Variants in MTHFD2L observed in about 807,000 individuals in gnomAD.
MTHFD2L encodes the protein bifunctional methylenetetrahydrofolate dehydrogenase/cyclohydrolase 2, mitochondrial.
MTHFD2L carries 29 observed loss-of-function variants against 34.9 expected under a neutral mutation model. The ratio of observed to expected loss-of-function variants is 0.83; its 90% confidence interval spans 0.62 to 1.13. The LOEUF (loss-of-function observed/expected upper bound fraction) is 1.13. MTHFD2L is among the 50% of genes most tolerant of loss of function. The pLI, the probability that MTHFD2L is intolerant of heterozygous loss-of-function variation, is 0.00. For synonymous variants in MTHFD2L, 167 were observed against 155.7 expected (o/e 1.07, Z -0.54); for missense variants, 481 against 446.5 (o/e 1.08, Z -0.70).
upstream of MTHFD2L, among the ~76,000 whole-genome samples, chr4:74,122,730 T>G (rs1721824989): frequency 6.6e-6 from 1 of 152,226 alleles, no homozygotes; most frequent in South Asian, 2.1e-4. Flanking sequence ...CATTGGATCC[T>G]GAAACAGTTT....
intron 1 of MTHFD2L, among the ~76,000 whole-genome samples, chr4:74,164,621 G>T (rs1359221764): frequency 1.3e-5 from 2 of 152,192 alleles, no homozygotes; most frequent in Non-Finnish European, 2.9e-5. Context: ...ATCCTCTTAT[G>T]TAATGTAAGG....
chr4:74,185,093 A>G (rs1319233607), intron 3 of MTHFD2L, among the ~76,000 whole-genome samples: 3 of 141,370 alleles, frequency 2.1e-5, no homozygotes, highest in Non-Finnish European at 4.5e-5. Flanking sequence ...CGGAGCTTGC[A>G]GTGAGCCGAG....
At chr4:74,120,212 G>A (rs556721996), upstream of MTHFD2L, among the ~76,000 whole-genome samples, 15 of 152,256 alleles carry the variant, frequency 9.9e-5, no homozygotes, top group African/African-American at 3.6e-4. Context: ...TTTCTCATTT[G>A]GCTAGCACAT....
chr4:74,180,902 T>C (rs142081774), intron 3 of MTHFD2L: 115 of 182,574 alleles, frequency 6.3e-4, no homozygotes, highest in Middle Eastern at 1.1e-3. Context: ...TTATATTCTT[T>C]TTTTCTTCTA....
At chr4:74,182,412 T>C (rs1161962863) in intron 3 of MTHFD2L, among the ~76,000 whole-genome samples, 2 of 152,134 alleles carry the variant, frequency 1.3e-5, no homozygotes, top group Non-Finnish European at 1.5e-5. Context: ...ATGAAAGTTT[T>C]CTATAGCTAT....
At chr4:74,278,229 A>G (rs183864559) in intron 6 of MTHFD2L, among the ~76,000 whole-genome samples, 4 of 152,206 alleles carry the variant, frequency 2.6e-5, no homozygotes, top group East Asian at 1.9e-4. Context: ...AGTACAACCA[A>G]CTATTCCAGA....
intron 6 of MTHFD2L, among the ~76,000 whole-genome samples, chr4:74,240,834 T>C (rs1480094603): frequency 6.6e-6 from 1 of 152,184 alleles, no homozygotes; most frequent in African/African-American, 2.4e-5. Context: ...CTTTTTAATA[T>C]AGAGGAGCAT....
chr4:74,146,745 G>C (rs564682733), intron 1 of MTHFD2L, among the ~76,000 whole-genome samples: 1 of 152,096 alleles, frequency 6.6e-6, no homozygotes, highest in South Asian at 2.1e-4. Context: ...CCTTTCTCTT[G>C]CGCAACTTTT....
intron 6 of MTHFD2L, among the ~76,000 whole-genome samples, chr4:74,273,349 G>T (rs761575473): frequency 6.6e-5 from 10 of 152,096 alleles, no homozygotes; most frequent in Admixed American, 2.6e-4. Flanking sequence ...GGGAGAAGAA[G>T]AATAATAGGA....
chr4:74,285,706 C>T (rs1466341952), intron 7 of MTHFD2L, among the ~76,000 whole-genome samples: 1 of 152,058 alleles, frequency 6.6e-6, no homozygotes, highest in Non-Finnish European at 1.5e-5. Context: ...TATAATTTCT[C>T]CCATTGACTA....
intron 3 of MTHFD2L, among the ~76,000 whole-genome samples, chr4:74,175,711 A>T (rs1037813935): frequency 5.3e-5 from 8 of 152,092 alleles, no homozygotes; most frequent in African/African-American, 1.2e-4. Flanking sequence ...GGTAAAAATA[A>T]CAATTTTTCT....
At chr4:74,282,518 G>A (rs1747631675) in intron 7 of MTHFD2L, among the ~76,000 whole-genome samples, 1 of 152,006 alleles carries the variant, frequency 6.6e-6, no homozygotes, top group Non-Finnish European at 1.5e-5. Context: ...CCAAGTTCTA[G>A]CATATTGTTG....
In MTHFD2L at chr4:74,302,438, G is replaced by A. The variant is rs980675096; in HGVS notation, c.*629G>A. On this transcript the variant is annotated 3_prime_UTR_variant, in exon 8 of 8. Transcript: ENST00000325278. Reference sequence around the variant, plus strand: ...AAGGCAAAAAATGCAGTGCTGTTTGGAAGTGTAATGATTTTATCACATGGT... The same window carrying A: ...AAGGCAAAAAATGCAGTGCTGTTTGAAAGTGTAATGATTTTATCACATGGT... 1 of 151,998 alleles carries A rather than the reference G, an allele frequency of 6.6e-6. No homozygotes were observed. The highest frequency in any genetic ancestry group is 1.5e-5 in the Non-Finnish European group (1 of 67,966). The allele number at this position is 151,998 out of a possible 1,614,324, so 9.4% of individuals were successfully genotyped here.
At chr4:74,293,466 C>T (rs1263989131) in intron 7 of MTHFD2L, 1 of 931,872 alleles carries the variant, frequency 1.1e-6, no homozygotes, top group African/African-American at 1.8e-5. Context: ...CAATAATCCT[C>T]TCTATTTCAT....
At chr4:74,230,467 G>A (rs1217633121) in intron 6 of MTHFD2L, among the ~76,000 whole-genome samples, 4 of 151,724 alleles carry the variant, frequency 2.6e-5, no homozygotes, top group Non-Finnish European at 5.9e-5. Context: ...GTGGGTGCCT[G>A]TAATCCCAGC....
chr4:74,258,849 G>A (rs528923498), intron 6 of MTHFD2L, among the ~76,000 whole-genome samples: 1 of 152,190 alleles, frequency 6.6e-6, no homozygotes, highest in Admixed American at 6.5e-5. Context: ...GAAAACTATG[G>A]ACAGGGAGAT....
intron 1 of MTHFD2L, among the ~76,000 whole-genome samples, chr4:74,166,675 T>C (rs1358686111): frequency 6.6e-6 from 1 of 151,670 alleles, no homozygotes; most frequent in Non-Finnish European, 1.5e-5. Context: ...CAGACACAGC[T>C]TGTAGGCCAG....
At chr4:74,159,999 T>G (rs1578285090) in intron 1 of MTHFD2L, 1 of 1,195,240 alleles carries the variant, frequency 8.4e-7, no homozygotes. Context: ...GGGTCTCGGG[T>G]GGGGAGGAAT....
At chr4:74,163,520 G>T (rs1725920194) in intron 1 of MTHFD2L, among the ~76,000 whole-genome samples, 1 of 152,198 alleles carries the variant, frequency 6.6e-6, no homozygotes, top group Admixed American at 6.5e-5. Flanking sequence ...CATATATAAT[G>T]AAAAGGTATT....
Sources: gnomAD v4.1 joint callset for allele counts (sites outside exome capture counted in the v4.1 genomes callset) on GRCh38, gnomAD v4.1.1 for gene constraint, MANE v1.5 for transcripts, NCBI Gene and HGNC (gene_info 2026-07-23, HGNC 2026-07-21) for gene names.